Variants in OTUD4 observed in about 807,000 individuals in gnomAD.
OTUD4 encodes OTU domain-containing protein 4.
In OTUD4, 24 loss-of-function variants were observed where a neutral mutation model predicts 130.4. The ratio of observed to expected loss-of-function variants is 0.18; its 90% CI spans 0.13 to 0.26. The LOEUF (loss-of-function observed/expected upper bound fraction) is 0.26, where lower values mean the gene tolerates loss of function less well. OTUD4 is among the 10% of genes least tolerant of loss of function. OTUD4 has a pLI of 1.00. For missense variants in OTUD4, 1,031 were observed against 1,329.4 expected, an observed-to-expected ratio of 0.78 and a Z score of 3.49; for synonymous variants, 420 against 472.5, an observed-to-expected ratio of 0.89 and a Z score of 1.44.
At position 145,142,235 on chromosome 4, in the gene OTUD4, G is replaced by A. The variant is rs372113990; in HGVS notation, c.1783C>T (p.Pro595Ser). The change falls in exon 18 of 21, where the codon CCA becomes TCA. Residue 595 changes from proline to serine, a missense_variant. Pro to Ser is a moderately conservative substitution (Grantham distance 74, BLOSUM62 -1). This residue lies in a region of OTUD4 where 900 missense variants were observed against 1,095.9 expected (regional missense o/e 0.82). Transcript: ENST00000447906. ...PAVPSLPATV[P>S]AWPSEPTTFG... is the part of the protein sequence containing the mutation. ...GTTGTAGGTTCACTTGGCCAGGCTG[G>A]CACAGTGGCTGGTAAAGAAGGCACC... The A allele has an allele frequency of 5.6e-6, 9 of 1,613,798 alleles. No individual in the cohort carries two copies. The highest frequency in any genetic ancestry group is 7.6e-6 in the Non-Finnish European group (9 of 1,179,836).
chr4:145,163,997 C>T (rs535505634), intron 5 of OTUD4, among the ~76,000 whole-genome samples, 157 bp downstream of exon 5: 8 of 152,066 alleles, frequency 5.3e-5, no homozygotes, highest in South Asian at 2.1e-4. Flanking sequence ...CATGAGCCAC[C>T]GCACCCGGCT....
At chr4:145,164,003 C>T (rs1426582216) in intron 5 of OTUD4, 151 bp downstream of exon 5, 5 of 496,758 alleles carry the variant, frequency 1.0e-5, no homozygotes, top group South Asian at 4.2e-5. Context: ...CCACCGCACC[C>T]GGCTATAGGA....
chr4:145,165,293 A>G, intron 3 of OTUD4, 96 bp from the exon 4 acceptor site: 1 of 709,554 alleles, frequency 1.4e-6, no homozygotes, highest in Non-Finnish European at 2.5e-6. Context: ...ATACGTAATG[A>G]GTTCTTAAAG....
chr4:145,169,142 GGA>G (rs146609089), intron 3 of OTUD4, among the ~76,000 whole-genome samples: 162 of 152,310 alleles, frequency 1.1e-3, no homozygotes, highest in African/African-American at 3.5e-3. Flanking sequence ...AGGCGGAAGA[GGA>G]TTAACTGCAA....
chr4:145,146,215 T>C (rs569720666), intron 14 of OTUD4, 52 bp downstream of exon 14: 4 of 1,231,478 alleles, frequency 3.2e-6, no homozygotes, highest in Admixed American at 5.5e-5. Context: ...CTAAAAACTA[T>C]ATTAAGAGAA....
intron 10 of OTUD4, among the ~76,000 whole-genome samples, chr4:145,154,463 T>C (rs1170645006): frequency 6.6e-6 from 1 of 152,262 alleles, no homozygotes; most frequent in Non-Finnish European, 1.5e-5. Flanking sequence ...TGCCAGTGGC[T>C]GTTTTAAAGT....
rs769143532 is a variant in OTUD4, at chr4:145,137,979, C to A, written c.2796G>T (p.Pro932=). The part of the protein sequence containing the change: ...SLPEASVSSK[P]DEGRTEQSSQ... ...AAGATTGCTCTGTCCGGCCTTCGTC[C>A]GGCTTACTGCTCACACTTGCTTCAG... The change falls in exon 21 of 21, where the codon CCG becomes CCT. Residue 932 remains proline, a synonymous_variant. Transcript: ENST00000447906. 1 of 1,614,190 alleles carries A rather than the reference C, an allele frequency of 6.2e-7. No homozygotes were observed. Among genetic ancestry groups the A allele is most frequent in the Non-Finnish European group, 8.5e-7 (1 of 1,180,044 alleles).
Position 145,137,035 on chromosome 4 carries a change from C to T in OTUD4, c.*395G>A, listed in dbSNP as rs1284626006. 1 of 159,688 alleles carries T rather than the reference C, an allele frequency of 6.3e-6. No individual in the cohort carries two copies. Among genetic ancestry groups the T allele is most frequent in the Non-Finnish European group, 1.4e-5 (1 of 72,984 alleles). The allele number at this position is 159,688 out of a possible 1,614,324, so 9.9% of individuals were successfully genotyped here. On this transcript the variant is annotated 3_prime_UTR_variant, in exon 21 of 21. Coordinates refer to ENST00000447906, the MANE Select transcript of OTUD4 (RefSeq NM_001366057.1). ...TATAGTGTGTCAAATGGTATATTTTCTTGTCACTTTAGTAAACACTATAAA... is the reference window on the plus strand; with the variant it reads ...TATAGTGTGTCAAATGGTATATTTTTTTGTCACTTTAGTAAACACTATAAA...
intron 13 of OTUD4, among the ~76,000 whole-genome samples, chr4:145,146,769 A>G (rs184272474): frequency 6.6e-6 from 1 of 152,344 alleles, no homozygotes; most frequent in Admixed American, 6.5e-5. Flanking sequence ...TATACTTGTT[A>G]TACCATATTC....
intron 2 of OTUD4, among the ~76,000 whole-genome samples, chr4:145,173,574 T>G (rs1029128423): frequency 6.6e-6 from 1 of 152,190 alleles, no homozygotes; most frequent in Non-Finnish European, 1.5e-5. Context: ...TTCCCTTCTC[T>G]ACCACACCTC....
At chr4:145,170,790 G>A (rs927104381) in intron 3 of OTUD4, 25 of 152,092 alleles carry the variant, frequency 1.6e-4, no homozygotes, top group African/African-American at 5.6e-4. Flanking sequence ...CTTTGCCAAT[G>A]TTATTTTTAC....
chr4:145,150,498 A>G lies in OTUD4; in HGVS notation c.1259+15T>C, dbSNP rs775643105. 1 of 1,563,322 alleles carries G rather than the reference A, an allele frequency of 6.4e-7. No homozygotes were observed. Among genetic ancestry groups the G allele is most frequent in the Non-Finnish European group, 8.8e-7 (1 of 1,137,944 alleles). On this transcript the variant is annotated intron_variant, in intron 13 of 20. Transcript: ENST00000447906. ...TACTTGATTTCTATACTTCTCTTAC[A>G]TTCAAGAAGGTTACCTTATGATCTG...
chr4:145,135,217 T>C lies in OTUD4; in HGVS notation c.*2213A>G, dbSNP rs569172888. The C allele has an allele frequency of 3.3e-5, 6 of 184,398 alleles. No individual in the cohort carries two copies. The East Asian group carries it at 6.5e-4, about 20-fold the overall frequency. 11.4% of individuals were successfully genotyped at this position (184,398 alleles called of 1,614,324 possible). A position where few individuals can be genotyped will look rare whatever the true frequency, so the allele number is the denominator to read the frequency against. The stretch of plus-strand genomic sequence containing the variant: ...TCTCTTTCAAGCACTTCTTCCATCA[T>C]ATCCTAGAGGTGAGATATGGGAAAC... On this transcript the variant is annotated 3_prime_UTR_variant, in exon 21 of 21. Coordinates refer to ENST00000447906, the MANE Select transcript of OTUD4 (RefSeq NM_001366057.1).
chr4:145,177,236 G>A (rs1046270728), intron 1 of OTUD4, among the ~76,000 whole-genome samples: 1 of 152,200 alleles, frequency 6.6e-6, no homozygotes, highest in African/African-American at 2.4e-5. Flanking sequence ...CATTTACCTA[G>A]CAACAGGTGG....
At chr4:145,162,744 A>T (rs1471720163) in intron 5 of OTUD4, 23 bp from the exon 6 acceptor site, 1 of 1,255,738 alleles carries the variant, frequency 8.0e-7, no homozygotes, top group African/African-American at 1.5e-5. Context: ...AATAAAAGAA[A>T]CATTTCAGCC....
At position 145,179,799 on chromosome 4, in the gene OTUD4, G is replaced by A. The variant is rs1561005414; in HGVS notation, c.159+16C>T. ...CCCGCCTCCCCTCGAAGCCCTCCCC[G>A]CCCCCCCGCAATTACCTGCTCCGCC... is the stretch of plus-strand genomic sequence containing the variant. On this transcript the variant is annotated intron_variant, in intron 1 of 20. Transcript: ENST00000447906. 2.0e-5 allele frequency: 4 copies of A among 196,666 alleles called. No individual in the cohort carries two copies. Among genetic ancestry groups the A allele is most frequent in the South Asian group, 4.5e-5 (1 of 22,100 alleles). The allele number at this position is 196,666 out of a possible 1,614,324, so 12.2% of individuals were successfully genotyped here. A position where few individuals can be genotyped will look rare whatever the true frequency, so the allele number is the denominator to read the frequency against.
In OTUD4 at chr4:145,137,718, T is replaced by C; in HGVS notation, c.3057A>G (p.Pro1019=). The C allele has an allele frequency of 1.2e-6, 2 of 1,614,106 alleles. No homozygotes were observed. Among genetic ancestry groups the C allele is most frequent in the Non-Finnish European group, 1.7e-6 (2 of 1,180,016 alleles). ...ANSVDSRVQR[P]KEESSEDENE... ...TTTCATCTTCTGAACTCTCTTCTTTTGGTCTTTGCACTCTGCTATCAACAG... is the reference window on the plus strand; with the variant it reads ...TTTCATCTTCTGAACTCTCTTCTTTCGGTCTTTGCACTCTGCTATCAACAG... Residue 1019 remains proline (P), a synonymous_variant, in exon 21 of 21, where the codon CCA becomes CCG. Coordinates refer to ENST00000447906, the MANE Select transcript of OTUD4 (RefSeq NM_001366057.1).
intron 3 of OTUD4, chr4:145,171,185 T>A (rs1032181580): frequency 6.6e-6 from 1 of 152,460 alleles, no homozygotes; most frequent in African/African-American, 2.4e-5. Context: ...ATAAAAAAAT[T>A]AGCTGGACAT....
chr4:145,162,738 A>G lies in OTUD4; in HGVS notation c.415-17T>C, dbSNP rs1171741801. 2 of 1,366,744 alleles carry G rather than the reference A, an allele frequency of 1.5e-6. No homozygotes were observed. Among genetic ancestry groups the G allele is most frequent in the Non-Finnish European group, 2.1e-6 (2 of 974,262 alleles). The allele number at this position is 1,366,744 out of a possible 1,614,324, so 84.7% of individuals were successfully genotyped here. On this transcript the variant is annotated splice_polypyrimidine_tract_variant and intron_variant, in intron 5 of 20. Transcript: ENST00000447906. ...CAGTAACACCTGAAAGGGAAAAATA[A>G]AAGAAACATTTCAGCCCCTCATACA...
Sources: allele counts gnomAD v4.1 joint callset (sites outside exome capture counted in the v4.1 genomes callset), GRCh38; gene constraint gnomAD v4.1.1; regional missense constraint gnomAD v4.1.1; transcripts MANE v1.5; gene names NCBI Gene and HGNC (gene_info 2026-07-23, HGNC 2026-07-21).